Variants in SPEG observed in about 807,000 individuals in gnomAD.
The protein encoded by SPEG is striated muscle preferentially expressed protein kinase.
A neutral mutation model predicts 300.4 loss-of-function variants in SPEG; 114 were observed. That is an observed-to-expected ratio of 0.38 (90% CI 0.33 to 0.44). The LOEUF is 0.44. SPEG is among the 20% of genes least tolerant of loss of function. The pLI is 1.00. For synonymous variants in SPEG, 1,964 were observed against 2,018.9 expected (o/e 0.97, Z 0.73); for missense variants, 4,201 against 4,586.2 (o/e 0.92, Z 2.43).
chr2:219,452,379 C>G (rs1689830040), intron 6 of SPEG, among the ~76,000 whole-genome samples: 2 of 152,174 alleles, frequency 1.3e-5, no homozygotes, highest in Non-Finnish European at 2.9e-5. Context: ...AAAGCCCTTA[C>G]TTGGTGTCAG....
chr2:219,483,475 C>T lies in SPEG; in HGVS notation c.6012C>T (p.Ser2004=). 3 of 1,469,930 alleles carry T rather than the reference C, an allele frequency of 2.0e-6. No individual in the cohort carries two copies. The highest frequency in any genetic ancestry group is 2.7e-6 in the Non-Finnish European group (3 of 1,121,726). The allele number at this position is 1,469,930 out of a possible 1,614,324, so 91.1% of individuals were successfully genotyped here. The change falls in exon 30 of 41, where the codon AGC becomes AGT. Residue 2004 remains serine, a synonymous_variant. Transcript: ENST00000312358. ...GCCAGGAGCCCGCAGCTGGGGCTAGCCCCAGGCGGGGAGAGCTCCGCAGGG... is the reference window on the plus strand; with the variant it reads ...GCCAGGAGCCCGCAGCTGGGGCTAGTCCCAGGCGGGGAGAGCTCCGCAGGG... ...SPGQEPAAGA[S]PRRGELRRGS...
At chr2:219,463,753 T>C (rs1268868153) in intron 8 of SPEG, among the ~76,000 whole-genome samples, 1 of 151,734 alleles carries the variant, frequency 6.6e-6, no homozygotes. Context: ...TCATATCCCT[T>C]TTGGGAAGTG....
chr2:219,484,198 T>C lies in SPEG; in HGVS notation c.6735T>C (p.Tyr2245=), dbSNP rs1413498962. The change falls in exon 30 of 41, where the codon TAT becomes TAC. Residue 2245 remains tyrosine (Y), a synonymous_variant. Coordinates refer to ENST00000312358, the MANE Select transcript of SPEG (RefSeq NM_005876.5). ...LQTLALPLTP[Y]AQIIQSLQLS... Reference sequence around the variant, plus strand: ...CCCTAGCGCTGCCCCTCACACCCTATGCTCAGATCATTCAGTCCCTCCAGC... The same window carrying C: ...CCCTAGCGCTGCCCCTCACACCCTACGCTCAGATCATTCAGTCCCTCCAGC... The C allele has an allele frequency of 6.2e-7, 1 of 1,612,796 alleles. No homozygotes were observed. The highest frequency in any genetic ancestry group is 8.5e-7 in the Non-Finnish European group (1 of 1,179,874).
At chr2:219,455,582 C>T (rs1334858665) in intron 6 of SPEG, among the ~76,000 whole-genome samples, 1 of 152,146 alleles carries the variant, frequency 6.6e-6, no homozygotes, top group Admixed American at 6.5e-5. Context: ...TGATTTGAAA[C>T]CCTGTCTCGG....
In SPEG at chr2:219,476,987, G is replaced by GA. The variant is rs766363944; in HGVS notation, c.4560+6dup. The stretch of plus-strand genomic sequence containing the variant: ...CCGGACATCATGTGGTACAAGGTCA[G>GA]AGTGTGCTGCTGGCTGAGCCTGGGG... On this transcript the variant is annotated splice_donor_region_variant and intron_variant, in intron 19 of 40. Coordinates refer to ENST00000312358, the MANE Select transcript of SPEG (RefSeq NM_005876.5). 12 of 1,602,616 alleles carry GA rather than the reference G, an allele frequency of 7.5e-6. No individual in the cohort carries two copies. Among genetic ancestry groups the GA allele is most frequent in the Non-Finnish European group, 1.0e-5 (12 of 1,173,294 alleles).
At chr2:219,492,375 A>G in intron 40 of SPEG, 115 bp downstream of exon 40, 1 of 1,280,850 alleles carries the variant, frequency 7.8e-7, no homozygotes, top group South Asian at 1.4e-5. Context: ...GCTTCTACTA[A>G]ATGGTCATAC....
rs1691357028 is a variant in SPEG, at chr2:219,466,338, G to T, written c.2882-836G>T. 4 of 1,405,606 alleles carry T rather than the reference G, an allele frequency of 2.8e-6. No individual in the cohort carries two copies. The East Asian group carries it at 1.1e-4, about 37-fold the overall frequency. The allele number at this position is 1,405,606 out of a possible 1,614,324, so 87.1% of individuals were successfully genotyped here. A position where few individuals can be genotyped will look rare whatever the true frequency, so the allele number is the denominator to read the frequency against. On this transcript the variant is annotated intron_variant, in intron 9 of 40. Coordinates refer to ENST00000312358, the MANE Select transcript of SPEG (RefSeq NM_005876.5). ...TGCTGGGAAGGGGCGGCTGCGAGGG[G>T]TATCAACCCCCCGAGTCTCTCCCTG... is the stretch of plus-strand genomic sequence containing the variant.
Position 219,483,810 on chromosome 2 carries a change from A to G in SPEG, c.6347A>G (p.His2116Arg). ...GCCTCCAGCGAGGCAGCGCCCCACCACCAGCCCCCACTCGAGAACCGGGGC... is the reference window on the plus strand; with the variant it reads ...GCCTCCAGCGAGGCAGCGCCCCACCGCCAGCCCCCACTCGAGAACCGGGGC... Reference protein sequence around the residue: ...RAASSEAAPHHQPPLENRGLQ... With the variant: ...RAASSEAAPHRQPPLENRGLQ... Residue 2116 changes from histidine (H) to arginine (R), a missense_variant, in exon 30 of 41, where the codon CAC (histidine) becomes CGC (arginine). Physicochemically the swap from His to Arg is conservative, Grantham distance 29. Transcript: ENST00000312358. The G allele has an allele frequency of 2.5e-6, 4 of 1,575,670 alleles. No individual in the cohort carries two copies. The highest frequency in any genetic ancestry group is 3.4e-6 in the Non-Finnish European group (4 of 1,167,942).
Position 219,480,557 on chromosome 2 carries a change from A to T in SPEG, c.5343-114A>T. 1 of 1,070,310 alleles carries T rather than the reference A, an allele frequency of 9.3e-7. No homozygotes were observed. 66.3% of individuals were successfully genotyped at this position (1,070,310 alleles called of 1,614,324 possible). On this transcript the variant is annotated intron_variant, in intron 25 of 40. Transcript: ENST00000312358. The surrounding 1 kb of genome is among the most constrained non-coding windows in gnomAD (Gnocchi z 5.3). ...GAAGCCACTCCTGTGCCCATTGTCC[A>T]TGGCAGTGTTCCCAGGGAGGTAACA...
Position 219,484,641 on chromosome 2 carries a change from C to T in SPEG, c.7178C>T (p.Ser2393Leu). Residue 2393 changes from serine (S) to leucine (L), a missense_variant, in exon 30 of 41, where the codon TCG (serine) becomes TTG (leucine). Ser to Leu is a moderately radical substitution (Grantham distance 145, BLOSUM62 -2). Coordinates refer to ENST00000312358, the MANE Select transcript of SPEG (RefSeq NM_005876.5). ...GTGCGACGGCCTGAGCGCTCACGCT[C>T]GGTGCAGGACCTCAGGGCTGTCGGA... is the stretch of plus-strand genomic sequence containing the variant. ...ELVRRPERSR[S>L]VQDLRAVGEP... The T allele has an allele frequency of 6.5e-7, 1 of 1,537,188 alleles. No individual in the cohort carries two copies. The highest frequency in any genetic ancestry group is 8.7e-7 in the Non-Finnish European group (1 of 1,146,476).
At position 219,473,273 on chromosome 2, in the gene SPEG, G is replaced by A. The variant is rs923825003; in HGVS notation, c.4147+177G>A. On this transcript the variant is annotated intron_variant, in intron 16 of 40. Coordinates refer to ENST00000312358, the MANE Select transcript of SPEG (RefSeq NM_005876.5). This position sits in a 1 kb window ranked among gnomAD's most constrained non-coding sequence, Gnocchi z 4.6. ...CTCCCTCCTGAAAGCAGCAGGGCAC[G>A]GTGGCTGAAGCTCAGGCTTTGGGAT... 27 of 756,584 alleles carry A rather than the reference G, an allele frequency of 3.6e-5. No homozygotes were observed. The highest frequency in any genetic ancestry group is 3.5e-4 in the Admixed American group (13 of 36,866). 46.9% of individuals were successfully genotyped at this position (756,584 alleles called of 1,614,324 possible).
chr2:219,487,339 C>T (rs1208602625), intron 31 of SPEG, among the ~76,000 whole-genome samples: 1 of 152,206 alleles, frequency 6.6e-6, no homozygotes, highest in Non-Finnish European at 1.5e-5. Flanking sequence ...CTGTCTGCTC[C>T]AGGCTTCTCT....
At chr2:219,457,312 G>C (rs976701759) in intron 6 of SPEG, among the ~76,000 whole-genome samples, 21 of 152,204 alleles carry the variant, frequency 1.4e-4, no homozygotes, top group Non-Finnish European at 2.5e-4. Context: ...ACTGGGTGCC[G>C]TGGCTCACAC....
chr2:219,435,442 G>T, intron 1 of SPEG, 77 bp downstream of exon 1: 4 of 1,411,684 alleles, frequency 2.8e-6, no homozygotes, highest in Non-Finnish European at 3.7e-6. Flanking sequence ...GGCCACGCGG[G>T]TAAGGTACTG....
intron 6 of SPEG, among the ~76,000 whole-genome samples, chr2:219,454,231 C>T (rs1689998398): frequency 1.3e-5 from 2 of 152,176 alleles, no homozygotes; most frequent in South Asian, 2.1e-4. Context: ...CTAGAGAATG[C>T]GGCCCCATGG....
intron 13 of SPEG, 119 bp downstream of exon 13, chr2:219,469,498 G>T (rs1691682159): frequency 2.4e-6 from 2 of 836,536 alleles, no homozygotes; most frequent in Non-Finnish European, 3.7e-6. Context: ...CAGGGACAGG[G>T]TGCCTGGGGG....
Position 219,484,242 on chromosome 2 carries a change from G to A in SPEG, c.6779G>A (p.Gly2260Asp), listed in dbSNP as rs1693158082. 3 of 1,611,064 alleles carry A rather than the reference G, an allele frequency of 1.9e-6. No homozygotes were observed. Among genetic ancestry groups the A allele is most frequent in the East Asian group, 4.5e-5 (2 of 44,860 alleles). Residue 2260 changes from glycine (G) to aspartate (D), a missense_variant, in exon 30 of 41, where the codon GGC becomes GAC. Gly to Asp is a moderately conservative substitution (Grantham distance 94). Transcript: ENST00000312358. ...CTCCAGCTGTCAGGCCACGCCCAGG[G>A]CCCCTCGCAGGGCCCTGCCGCGCCG... ...QSLQLSGHAQGPSQGPAAPPS... is the reference protein window; with the variant it reads ...QSLQLSGHAQDPSQGPAAPPS...
intron 29 of SPEG, 58 bp from the exon 30 acceptor site, chr2:219,483,040 G>A: frequency 1.3e-6 from 2 of 1,540,950 alleles, no homozygotes; most frequent in Non-Finnish European, 8.8e-7. Flanking sequence ...GGTGGGCCTG[G>A]GGGGGACAAT....
In SPEG at chr2:219,448,686, C is replaced by A; in HGVS notation, c.1528C>A (p.Leu510Met). The change falls in exon 4 of 41, where the codon CTG (leucine) becomes ATG (methionine). Residue 510 changes from leucine (L) to methionine (M), a missense_variant. Leu to Met is a conservative substitution (Grantham distance 15, BLOSUM62 2). This residue lies in a region of SPEG where 1,258 missense variants were observed against 1,293.9 expected (regional missense o/e 0.97). Coordinates refer to ENST00000312358, the MANE Select transcript of SPEG (RefSeq NM_005876.5). Reference protein sequence around the residue: ...RIRRSTSREELVRSHESLRAT... With the variant: ...RIRRSTSREEMVRSHESLRAT... ...CCGCCGCTCCACGTCGCGGGAGGAG[C>A]TGGTGCGCTCGCACGAGTCCCTGCG... is the stretch of plus-strand genomic sequence containing the variant. 6.7e-7 allele frequency: 1 copy of A among 1,494,088 alleles called. No individual in the cohort carries two copies. Among genetic ancestry groups the A allele is most frequent in the Non-Finnish European group, 8.8e-7 (1 of 1,130,034 alleles). 92.6% of individuals were successfully genotyped at this position (1,494,088 alleles called of 1,614,324 possible).
Sources: allele counts gnomAD v4.1 joint callset (sites outside exome capture counted in the v4.1 genomes callset), GRCh38; gene constraint gnomAD v4.1.1; regional missense constraint gnomAD v4.1.1; non-coding constraint Gnocchi (gnomAD v3.1); transcripts MANE v1.5; gene names NCBI Gene and HGNC (gene_info 2026-07-23, HGNC 2026-07-21).